Variants in VTI1A observed in about 807,000 individuals in gnomAD.
VTI1A encodes vesicle transport through interaction with t-SNAREs 1A, also known as vesicle transport through interaction with t-SNAREs homolog 1A.
In VTI1A, 22 loss-of-function variants were observed where a neutral mutation model predicts 34.9. The observed-to-expected ratio is 0.63, with a 90% CI of 0.45 to 0.90. The LOEUF is 0.90. VTI1A is among the 40% of genes least tolerant of loss of function. The probability of loss-of-function intolerance (pLI) is 0.00; values close to 1 mark genes in which losing one functional copy is unlikely to be tolerated. For synonymous variants in VTI1A, 87 were observed against 97.3 expected (o/e 0.89, Z 0.62); for missense variants, 268 against 275.6 (o/e 0.97, Z 0.20).
intron 5 of VTI1A, among the ~76,000 whole-genome samples, chr10:112,631,804 T>C (rs1846140510): frequency 6.6e-6 from 1 of 152,176 alleles, no homozygotes; most frequent in African/African-American, 2.4e-5. Flanking sequence ...GTGCATACTG[T>C]GTCTTGTTTG....
chr10:112,684,748 C>CT, intron 7 of VTI1A, among the ~76,000 whole-genome samples: 1 of 152,096 alleles, frequency 6.6e-6, no homozygotes, highest in Non-Finnish European at 1.5e-5. Flanking sequence ...CTGCTCATCT[C>CT]TTTTATGACT....
At chr10:112,699,412 G>T (rs1279181358) in intron 7 of VTI1A, among the ~76,000 whole-genome samples, 1 of 152,238 alleles carries the variant, frequency 6.6e-6, no homozygotes, top group Non-Finnish European at 1.5e-5. Flanking sequence ...TCCTCACATG[G>T]AGGAGAGCTG....
At chr10:112,793,641 C>T (rs147489617) in intron 7 of VTI1A, among the ~76,000 whole-genome samples, 132 of 152,288 alleles carry the variant, frequency 8.7e-4, no homozygotes, top group South Asian at 3.1e-3. Flanking sequence ...ATGCTACAAA[C>T]GCAATTAGAT....
chr10:112,494,191 T>C lies in VTI1A; in HGVS notation c.264+29534T>C, dbSNP rs113506239. 8.1e-3 allele frequency among the ~76,000 whole-genome samples: 1,238 copies of C among 152,250 alleles called. 23 individuals are homozygous for C. The highest frequency in any genetic ancestry group is 0.029 in the African/African-American group (1,187 of 41,576). On this transcript the variant is annotated intron_variant, in intron 3 of 7. Transcript: ENST00000393077. ...TTATAATTTATAGATTTCTAGCAAT[T>C]TGTGCCCTTCATCTAAGTTCTCTGA...
intron 7 of VTI1A, among the ~76,000 whole-genome samples, chr10:112,761,856 T>TAC (rs201796302): frequency 3.7e-5 from 2 of 54,740 alleles, no homozygotes; most frequent in South Asian, 3.3e-4. Flanking sequence ...TGTGTATCTA[T>TAC]ACACGTAGCA....
At chr10:112,468,914 C>T (rs1018509195) in intron 3 of VTI1A, among the ~76,000 whole-genome samples, 1 of 152,228 alleles carries the variant, frequency 6.6e-6, no homozygotes, top group African/African-American at 2.4e-5. Context: ...AGATCTACCA[C>T]CTAAATATCT....
rs115421664 is a variant in VTI1A at position 112,691,671 on chromosome 10, G to A, written c.560+22673G>A. 4.9e-3 allele frequency among the ~76,000 whole-genome samples: 743 copies of A among 152,328 alleles called. 7 individuals are homozygous for A. Among genetic ancestry groups the A allele is most frequent in the African/African-American group, 0.017 (705 of 41,566 alleles). On this transcript the variant is annotated intron_variant, in intron 7 of 7. Transcript: ENST00000393077. ...CAGGCATGCACAAAACCATCACTCA[G>A]CATGTCCAATAGGCCCAATGAAGTC...
In VTI1A at chr10:112,652,606, G is replaced by T. The variant is rs575873897; in HGVS notation, c.428-15612G>T. Among the ~76,000 whole-genome samples the T allele has an allele frequency of 2.6e-5, 4 of 151,880 alleles. No individual in the cohort carries two copies. The South Asian group carries it at 8.3e-4, about 32-fold the overall frequency. Reference sequence around the variant, plus strand: ...GCCAGACATGGTGGCATTCACTTGTGGTCCCAGCTACTGAGGAGGCTGAGG... The same window carrying T: ...GCCAGACATGGTGGCATTCACTTGTTGTCCCAGCTACTGAGGAGGCTGAGG... On this transcript the variant is annotated intron_variant, in intron 5 of 7. Coordinates refer to ENST00000393077, the MANE Select transcript of VTI1A (RefSeq NM_145206.4).
intron 5 of VTI1A, among the ~76,000 whole-genome samples, chr10:112,583,574 A>G (rs1303950665): frequency 1.3e-5 from 2 of 152,238 alleles, no homozygotes; most frequent in Non-Finnish European, 2.9e-5. Context: ...CTGTGAATGG[A>G]TTATTACAAT....
chr10:112,792,813 T>C (rs1463786419), intron 7 of VTI1A, among the ~76,000 whole-genome samples: 1 of 152,188 alleles, frequency 6.6e-6, no homozygotes, highest in Non-Finnish European at 1.5e-5. Flanking sequence ...ATGTTGATGG[T>C]GATAATTACG....
chr10:112,839,967 C>T, the VTI1A span, among the ~76,000 whole-genome samples: 1 of 152,104 alleles, frequency 6.6e-6, no homozygotes, highest in Non-Finnish European at 1.5e-5. Flanking sequence ...CTTTGGGCCT[C>T]AGTTTCCTCA....
chr10:112,543,439 C>G (rs1850944276), intron 5 of VTI1A, among the ~76,000 whole-genome samples: 1 of 152,178 alleles, frequency 6.6e-6, no homozygotes, highest in Non-Finnish European at 1.5e-5. Flanking sequence ...TGATGATGAG[C>G]ATTTTTTCAT....
At chr10:112,683,058 C>A (rs1245014683) in intron 7 of VTI1A, among the ~76,000 whole-genome samples, 1 of 152,132 alleles carries the variant, frequency 6.6e-6, no homozygotes, top group Admixed American at 6.5e-5. Context: ...GCTGGATTTC[C>A]ACAGAGCATG....
chr10:112,551,526 C>T (rs975695911), intron 5 of VTI1A, among the ~76,000 whole-genome samples: 2 of 152,016 alleles, frequency 1.3e-5, no homozygotes, highest in African/African-American at 4.8e-5. Flanking sequence ...AAATTCAAGC[C>T]ACCTGAAAGG....
At chr10:112,678,341 A>G (rs971304063) in intron 7 of VTI1A, among the ~76,000 whole-genome samples, 1 of 152,180 alleles carries the variant, frequency 6.6e-6, no homozygotes, top group Non-Finnish European at 1.5e-5. Context: ...ACTTGAAGCA[A>G]GGAGCCCTAG....
intron 5 of VTI1A, among the ~76,000 whole-genome samples, chr10:112,572,465 T>C (rs1354396772): frequency 1.3e-5 from 2 of 152,194 alleles, no homozygotes; most frequent in Non-Finnish European, 2.9e-5. Context: ...AATAAGAGAA[T>C]GACCATTAAG....
upstream of VTI1A, chr10:112,447,155 A>G (rs1846855502): frequency 1.9e-6 from 1 of 529,600 alleles, no homozygotes. Flanking sequence ...CTTATCTTAA[A>G]GTCGGAGCGG....
intron 5 of VTI1A, among the ~76,000 whole-genome samples, chr10:112,560,597 C>CTTTT (rs1281971200): frequency 4.8e-5 from 6 of 123,744 alleles, no homozygotes; most frequent in African/African-American, 6.0e-5. Context: ...AATAGAAGTG[C>CTTTT]TTTTTTTTTT....
chr10:112,501,610 GCTA>G (rs1262974978), intron 3 of VTI1A, among the ~76,000 whole-genome samples: 1 of 152,016 alleles, frequency 6.6e-6, no homozygotes, highest in Non-Finnish European at 1.5e-5. Context: ...GTGTAATTTA[GCTA>G]CTAATTGGAA....
Sources: allele counts gnomAD v4.1 joint callset (sites outside exome capture counted in the v4.1 genomes callset), GRCh38; gene constraint gnomAD v4.1.1; transcripts MANE v1.5; gene names NCBI Gene and HGNC (gene_info 2026-07-23, HGNC 2026-07-21).